ZNF83: variants seen among roughly 807,000 people sequenced by gnomAD.
The protein encoded by ZNF83 is zinc finger protein 816B.
For missense variants in ZNF83, 552 were observed against 629.9 expected, an observed-to-expected ratio of 0.88 and a Z score of 1.32; for synonymous variants, 209 against 213.0, an observed-to-expected ratio of 0.98 and a Z score of 0.17.
intron 1 of ZNF83, among the ~76,000 whole-genome samples, chr19:52,661,081 T>C (rs1216241926): frequency 1.3e-5 from 2 of 151,616 alleles, no homozygotes; most frequent in African/African-American, 4.9e-5. Flanking sequence ...GCCAGGAGAG[T>C]CTCAATCTCC....
At chr19:52,684,310 G>A (rs1364700009) in intron 1 of ZNF83, among the ~76,000 whole-genome samples, 1 of 149,756 alleles carries the variant, frequency 6.7e-6, no homozygotes, top group Non-Finnish European at 1.5e-5. Flanking sequence ...AGGTTGTAGT[G>A]AGCCGAGATC....
At chr19:52,617,618 C>T (rs1485684117) in intron 2 of ZNF83, 1 of 151,612 alleles carries the variant, frequency 6.6e-6, no homozygotes, top group East Asian at 1.9e-4. Context: ...GCAGTCCCAG[C>T]TACTTGGGAG....
rs116697124 is a variant in ZNF83, at chr19:52,624,725, C to T, written c.-233-9928G>A. 5.3e-3 allele frequency among the ~76,000 whole-genome samples: 808 copies of T among 152,272 alleles called. 6 individuals are homozygous for T. The highest frequency in any genetic ancestry group is 0.018 in the African/African-American group (760 of 41,554). On this transcript the variant is annotated intron_variant, in intron 2 of 2. Transcript: ENST00000301096. ...TTTTTGTCCAAACAACTTGACCTTCCTATTATACGCTGGCCATGATGTCTC... is the reference window on the plus strand; with the variant it reads ...TTTTTGTCCAAACAACTTGACCTTCTTATTATACGCTGGCCATGATGTCTC...
chr19:52,621,964 T>G (rs548587934), intron 2 of ZNF83, among the ~76,000 whole-genome samples: 4 of 141,440 alleles, frequency 2.8e-5, no homozygotes, highest in Non-Finnish European at 4.6e-5. Flanking sequence ...CTTTCCCTCC[T>G]GCCTGTCCCT....
chr19:52,656,226 CTATA>C (rs140320453), intron 2 of ZNF83, among the ~76,000 whole-genome samples: 18 of 145,030 alleles, frequency 1.2e-4, no homozygotes, highest in South Asian at 2.1e-4. Flanking sequence ...CTCTCTCTCT[CTATA>C]TATATATATA....
At chr19:52,666,853 C>T (rs774526227) in intron 1 of ZNF83, among the ~76,000 whole-genome samples, 28 of 152,208 alleles carry the variant, frequency 1.8e-4, no homozygotes, top group Middle Eastern at 6.8e-3. Flanking sequence ...TCCCAGGTGA[C>T]TGAGGGAAAA....
rs67463602 is a variant in ZNF83 at position 52,683,228 on chromosome 19, C to CTGTGTGTGTGTGTG, written c.-283+7201_-283+7214dup. ...TCAGCTCCTCAGCTGCCCTGTGACT[C>CTGTGTGTGTGTGTG]TGTGTGTGTGTGTGTGTGTGTGTGT... On this transcript the variant is annotated intron_variant, in intron 1 of 5. Transcript: ENST00000594682. 2.5e-4 allele frequency among the ~76,000 whole-genome samples: 32 copies of CTGTGTGTGTGTGTG among 128,060 alleles called. No homozygotes were observed. The East Asian group carries it at 3.7e-3, about 15-fold the overall frequency. The allele number at this position is 128,060 out of a possible 152,430, so 84.0% of individuals were successfully genotyped here. A position where few individuals can be genotyped will look rare whatever the true frequency, so the allele number is the denominator to read the frequency against.
intron 3 of ZNF83, chr19:52,653,943 T>C (rs1367272740): frequency 1.7e-6 from 2 of 1,161,970 alleles, no homozygotes; most frequent in Non-Finnish European, 2.5e-6. Context: ...TTTGTGTCAA[T>C]AATGAAGAAT....
chr19:52,682,787 G>A (rs1429339884), intron 1 of ZNF83, among the ~76,000 whole-genome samples: 1 of 152,140 alleles, frequency 6.6e-6, no homozygotes, highest in Non-Finnish European at 1.5e-5. Context: ...GGGATCACTT[G>A]AGCCCAGGAG....
intron 1 of ZNF83, among the ~76,000 whole-genome samples, chr19:52,662,249 C>G (rs899574151): frequency 3.9e-5 from 6 of 152,274 alleles, no homozygotes; most frequent in Non-Finnish European, 8.8e-5. Context: ...TTGGCTAAGT[C>G]CCCAGAAGTA....
At chr19:52,683,226 C>CTGTGTGTGTG (rs1491245050) in intron 1 of ZNF83, among the ~76,000 whole-genome samples, 1 of 135,652 alleles carries the variant, frequency 7.4e-6, no homozygotes, top group African/African-American at 2.7e-5. Context: ...TGCCCTGTGA[C>CTGTGTGTGTG]TCTGTGTGTG....
rs1405570006 is a variant in ZNF83 at position 52,614,798 on chromosome 19, C to G, written c.-233-1G>C. 3 of 1,281,362 alleles carry G rather than the reference C, an allele frequency of 2.3e-6. No individual in the cohort carries two copies. Among genetic ancestry groups the G allele is most frequent in the Admixed American group, 7.4e-5 (2 of 26,990 alleles). The allele number at this position is 1,281,362 out of a possible 1,614,324, so 79.4% of individuals were successfully genotyped here. A position where few individuals can be genotyped will look rare whatever the true frequency, so the allele number is the denominator to read the frequency against. On this transcript the variant is annotated splice_acceptor_variant, in intron 2 of 2. Transcript: ENST00000301096. LOFTEE classifies it low-confidence loss of function (5UTR_SPLICE). Reference sequence around the variant, plus strand: ...TTGATCTCACATTTAGAAAAAATACCTACAAGATATAAGGATCCCACAGTT... The same window carrying G: ...TTGATCTCACATTTAGAAAAAATACGTACAAGATATAAGGATCCCACAGTT...
At chr19:52,663,774 T>G (rs2061609564) in intron 1 of ZNF83, among the ~76,000 whole-genome samples, 1 of 152,040 alleles carries the variant, frequency 6.6e-6, no homozygotes, top group African/African-American at 2.4e-5. Context: ...AATATACATC[T>G]AATGAAATGT....
chr19:52,685,531 A>G (rs1372918392), intron 1 of ZNF83, among the ~76,000 whole-genome samples: 1 of 152,192 alleles, frequency 6.6e-6, no homozygotes, highest in African/African-American at 2.4e-5. Context: ...GTGAACACAC[A>G]GTAATTGACC....
intron 1 of ZNF83, among the ~76,000 whole-genome samples, chr19:52,671,135 T>C (rs550414014): frequency 1.3e-4 from 20 of 152,318 alleles, no homozygotes; most frequent in Middle Eastern, 3.4e-3. Context: ...TTTCAAAATA[T>C]GGCACAGAAA....
intron 1 of ZNF83, among the ~76,000 whole-genome samples, chr19:52,687,417 A>AT (rs1181673639): frequency 3.8e-5 from 2 of 52,558 alleles, no homozygotes; most frequent in Admixed American, 2.1e-4. Context: ...TATAAATTAT[A>AT]ATATAAATTA....
intron 1 of ZNF83, among the ~76,000 whole-genome samples, chr19:52,637,306 C>T (rs1031131873): frequency 6.6e-6 from 1 of 152,070 alleles, no homozygotes; most frequent in Admixed American, 6.6e-5. Context: ...ATATGTGGAA[C>T]CACAGATCCC....
At chr19:52,652,909 C>T (rs879058055) in intron 3 of ZNF83, 3 of 1,087,234 alleles carry the variant, frequency 2.8e-6, no homozygotes. Context: ...TTTCTCTCCA[C>T]TATGAAGTCT....
At chr19:52,638,164 G>A (rs935413337) in intron 1 of ZNF83, 148 bp downstream of exon 1, 8 of 152,364 alleles carry the variant, frequency 5.3e-5, no homozygotes, top group African/African-American at 1.4e-4. Context: ...AAAAGGAAGC[G>A]ATATCCGGAC....
Sources: allele counts gnomAD v4.1 joint callset (sites outside exome capture counted in the v4.1 genomes callset), GRCh38; gene constraint gnomAD v4.1.1; transcripts MANE v1.5; gene names NCBI Gene and HGNC (gene_info 2026-07-23, HGNC 2026-07-21).